The following HMCN2 variants were observed in gnomAD, a reference collection of about 807,000 sequenced individuals.
HMCN2 encodes the protein hemicentin 2.
Under a neutral mutation model 377.5 loss-of-function variants are expected in HMCN2, and 325 were observed. The ratio of observed to expected loss-of-function variants is 0.86; its 90% CI spans 0.79 to 0.94. HMCN2 has a LOEUF of 0.94. HMCN2 is among the 40% of genes least tolerant of loss of function. HMCN2 has a pLI of 0.00. For missense variants in HMCN2, 4,543 were observed against 4,725.3 expected, an observed-to-expected ratio of 0.96 and a Z score of 1.13; for synonymous variants, 2,007 against 2,046.8, an observed-to-expected ratio of 0.98 and a Z score of 0.53.
intron 1 of HMCN2, among the ~76,000 whole-genome samples, chr9:130,273,777 C>G (rs1344096053): frequency 6.6e-6 from 1 of 152,116 alleles, no homozygotes; most frequent in Non-Finnish European, 1.5e-5. Context: ...GGATTACAGG[C>G]GTGCGCCTCC....
intron 43 of HMCN2, among the ~76,000 whole-genome samples, 172 bp from the exon 44 acceptor site, chr9:130,368,104 G>A (rs1161421762): frequency 6.6e-6 from 1 of 152,050 alleles, no homozygotes; most frequent in African/African-American, 2.4e-5. Flanking sequence ...GAGGCACCAG[G>A]ACCAGAAGTG....
Position 130,425,826 on chromosome 9 carries a change from C to A in HMCN2, c.13781C>A (p.Pro4594His), listed in dbSNP as rs1447176026. Residue 4594 changes from proline (P) to histidine (H), a missense_variant, in exon 90 of 98, where the codon CCC becomes CAC. Physicochemically the swap from Pro to His is moderately conservative, Grantham distance 77. This residue lies in a region of HMCN2 where 1,155 missense variants were observed against 1,157.7 expected (regional missense o/e 1.00). Coordinates refer to ENST00000683500, the MANE Select transcript of HMCN2 (RefSeq NM_001291815.2). ...IQYNAARGPQPQLVQHLRASA... is the reference protein window; with the variant it reads ...IQYNAARGPQHQLVQHLRASA... ...TACAACGCGGCCCGGGGCCCCCAGCCCCAGCTGGTGCAGCACCTGCGGGCC... is the reference window on the plus strand; with the variant it reads ...TACAACGCGGCCCGGGGCCCCCAGCACCAGCTGGTGCAGCACCTGCGGGCC... 6.4e-7 allele frequency: 1 copy of A among 1,550,534 alleles called. No individual in the cohort carries two copies.
At chr9:130,291,791 C>T (rs1235258178) in intron 4 of HMCN2, among the ~76,000 whole-genome samples, 1 of 152,182 alleles carries the variant, frequency 6.6e-6, no homozygotes, top group African/African-American at 2.4e-5. Context: ...CTATACATAG[C>T]CCATGTTCAG....
At chr9:130,305,147 A>T (rs1836784055) in intron 11 of HMCN2, 145 bp downstream of exon 11, 1 of 366,182 alleles carries the variant, frequency 2.7e-6, no homozygotes, top group African/African-American at 2.1e-5. Context: ...ACTTTCAGGG[A>T]GAGAGAATAC....
rs923134745 is a variant in HMCN2 at position 130,286,982 on chromosome 9, A to G, written c.612+672A>G. On this transcript the variant is annotated intron_variant, in intron 4 of 97. Coordinates refer to ENST00000683500, the MANE Select transcript of HMCN2 (RefSeq NM_001291815.2). ...CACTCCCGTCCGCTCCCAGGAGCAC[A>G]GGATCCTTTCAGGGGCCAGCTGGGA... 4.6e-5 allele frequency among the ~76,000 whole-genome samples: 7 copies of G among 152,292 alleles called. No homozygotes were observed. In the South Asian group the frequency reaches 8.3e-4, roughly 18 times the overall value.
chr9:130,354,777 G>A lies in HMCN2; in HGVS notation c.4879G>A (p.Glu1627Lys), dbSNP rs1013565223. ...CTCTTTTCCAGTCCCACCTACCATC[G>A]AGGGCGCCGGTGGAAGACCATACGT... ...RLDVYVPPTI[E>K]GAGGRPYVVK... The change falls in exon 32 of 98, where the codon GAG (glutamate) becomes AAG (lysine). Residue 1627 changes from glutamate (E) to lysine (K), a missense_variant. Glu to Lys is a moderately conservative substitution (Grantham distance 56). Around this residue, in one of 5 missense-constraint regions of HMCN2, gnomAD observed 1,032 missense variants for 1,285.1 expected, o/e 0.80. Transcript: ENST00000683500. The A allele has an allele frequency of 3.8e-6, 5 of 1,300,810 alleles. No homozygotes were observed. Among genetic ancestry groups the A allele is most frequent in the Non-Finnish European group, 2.0e-6 (2 of 986,396 alleles). The allele number at this position is 1,300,810 out of a possible 1,614,324, so 80.6% of individuals were successfully genotyped here.
Position 130,428,428 on chromosome 9 carries a change from CT to C in HMCN2, c.14137del (p.Tyr4713ThrfsTer63). ...GQRCVNLLGS[Y>X]RCLPDCGPGF... ...AGCGCTGTGTGAACCTGCTCGGGTC[CT>C]ACCGCTGCCTCCCCGACTGTGGGCC... On this transcript the variant is annotated frameshift_variant, in exon 93 of 98. Coordinates refer to ENST00000683500, the MANE Select transcript of HMCN2 (RefSeq NM_001291815.2). LOFTEE classifies it high-confidence loss of function. The surrounding 1 kb of genome is among the most constrained non-coding windows in gnomAD (Gnocchi z 5.0). 1 of 1,546,802 alleles carries C rather than the reference CT, an allele frequency of 6.5e-7. No individual in the cohort carries two copies. Among genetic ancestry groups the C allele is most frequent in the South Asian group, 1.2e-5 (1 of 84,064 alleles).
At chr9:130,288,288 GT>G (rs1554928744) in intron 4 of HMCN2, among the ~76,000 whole-genome samples, 1 of 152,220 alleles carries the variant, frequency 6.6e-6, no homozygotes, top group African/African-American at 2.4e-5. Flanking sequence ...GCTTTCTGCT[GT>G]GACAGTCTGG....
chr9:130,265,894 C>G lies in HMCN2; in HGVS notation c.16C>G (p.Pro6Ala), dbSNP rs1834063892. 2.7e-6 allele frequency: 1 copy of G among 367,476 alleles called. No individual in the cohort carries two copies. The highest frequency in any genetic ancestry group is 5.4e-6 in the Non-Finnish European group (1 of 184,694). The allele number at this position is 367,476 out of a possible 1,614,324, so 22.8% of individuals were successfully genotyped here. ...CGCGCTCGGCATGATGCCCGGGGCG[C>G]CGCTCCTGCGGCTGCTGACCGCGGT... The part of the protein sequence containing the change: MMPGA[P>A]LLRLLTAVSA... The change falls in exon 1 of 98, where the codon CCG becomes GCG. Residue 6 changes from proline to alanine, a missense_variant. Pro to Ala is a conservative substitution (Grantham distance 27). Coordinates refer to ENST00000683500, the MANE Select transcript of HMCN2 (RefSeq NM_001291815.2).
Position 130,425,680 on chromosome 9 carries a change from C to G in HMCN2, c.13642-7C>G. 1 of 1,114,650 alleles carries G rather than the reference C, an allele frequency of 9.0e-7. No homozygotes were observed. The highest frequency in any genetic ancestry group is 5.0e-5 in the East Asian group (1 of 19,944). 69.0% of individuals were successfully genotyped at this position (1,114,650 alleles called of 1,614,324 possible). ...CTCCTCCTCCTCCCCTCCTCTTCAT[C>G]CTGCAGGACTTTGAGGAGCACTACG... On this transcript the variant is annotated splice_region_variant and splice_polypyrimidine_tract_variant and intron_variant, in intron 89 of 97. Coordinates refer to ENST00000683500, the MANE Select transcript of HMCN2 (RefSeq NM_001291815.2).
At chr9:130,382,054 TCTC>T (rs1415848331) in intron 54 of HMCN2, 127 bp from the exon 55 acceptor site, 2 of 209,424 alleles carry the variant, frequency 9.6e-6, no homozygotes, top group African/African-American at 4.7e-5. Context: ...ACAGGCCGAT[TCTC>T]CTCATTTCAC....
intron 85 of HMCN2, among the ~76,000 whole-genome samples, chr9:130,418,548 AAAAAT>A (rs564597972): frequency 7.9e-4 from 120 of 152,290 alleles, no homozygotes; most frequent in Middle Eastern, 3.4e-3. Flanking sequence ...CTCCATCTCA[AAAAAT>A]AAAATAAAAG....
At chr9:130,397,249 C>T (rs568880323) in intron 73 of HMCN2, among the ~76,000 whole-genome samples, 7 of 152,176 alleles carry the variant, frequency 4.6e-5, no homozygotes, top group African/African-American at 1.7e-4. Flanking sequence ...GAGAAACTTA[C>T]GTTTTTAAAA....
intron 96 of HMCN2, 29 bp from the exon 97 acceptor site, chr9:130,432,400 T>TC (rs1261443021): frequency 3.9e-6 from 6 of 1,550,308 alleles, no homozygotes; most frequent in South Asian, 1.2e-5. Context: ...TTCATCTCCC[T>TC]CCCCCGCTTC....
intron 4 of HMCN2, among the ~76,000 whole-genome samples, chr9:130,293,278 A>ATTTTTTTTTTTTTT (rs1554930691): frequency 1.0e-4 from 3 of 30,014 alleles, no homozygotes; most frequent in Non-Finnish European, 1.6e-4. Context: ...TACTCACTAA[A>ATTTTTTTTTTTTTT]GTTTTTTTTT....
chr9:130,371,413 AG>A (rs1350217967), intron 46 of HMCN2, among the ~76,000 whole-genome samples: 3 of 108,898 alleles, frequency 2.8e-5, no homozygotes, highest in African/African-American at 9.3e-5. Flanking sequence ...TAAGTCCTGC[AG>A]AAAAAAAAAA....
intron 34 of HMCN2, 85 bp from the exon 35 acceptor site, chr9:130,357,749 C>A: frequency 9.2e-7 from 1 of 1,083,978 alleles, no homozygotes; most frequent in Non-Finnish European, 1.2e-6. Context: ...ACCTTCTCAC[C>A]CCCAGGCATC....
chr9:130,281,144 T>A (rs1483748557), intron 1 of HMCN2, among the ~76,000 whole-genome samples: 1 of 151,982 alleles, frequency 6.6e-6, no homozygotes, highest in East Asian at 1.9e-4. Flanking sequence ...TTCCCTTTTT[T>A]GTTTTGCTTT....
rs967020881 is a variant in HMCN2, at chr9:130,302,814, G to A, written c.1277-43G>A. On this transcript the variant is annotated intron_variant, in intron 8 of 97. Coordinates refer to ENST00000683500, the MANE Select transcript of HMCN2 (RefSeq NM_001291815.2). Reference sequence around the variant, plus strand: ...TCTCTGTGTCACTGGGTGTGGCAAAGGGGCGGTGGGGAGACATTCTGAGTC... The same window carrying A: ...TCTCTGTGTCACTGGGTGTGGCAAAAGGGCGGTGGGGAGACATTCTGAGTC... 8 of 413,300 alleles carry A rather than the reference G, an allele frequency of 1.9e-5. 1 individual carries two copies. Among genetic ancestry groups the A allele is most frequent in the Non-Finnish European group, 3.6e-5 (7 of 196,552 alleles). 25.6% of individuals were successfully genotyped at this position (413,300 alleles called of 1,614,324 possible). A position where few individuals can be genotyped will look rare whatever the true frequency, so the allele number is the denominator to read the frequency against.
Sources: gnomAD v4.1 joint callset for allele counts (sites outside exome capture counted in the v4.1 genomes callset) on GRCh38, gnomAD v4.1.1 for gene constraint, gnomAD v4.1.1 regional missense constraint, Gnocchi (gnomAD v3.1) non-coding constraint, MANE v1.5 for transcripts, NCBI Gene and HGNC (gene_info 2026-07-23, HGNC 2026-07-21) for gene names.